Variants in FGF14 observed in about 807,000 individuals in gnomAD.
The protein encoded by FGF14 is fibroblast growth factor 14.
A neutral mutation model predicts 25.5 loss-of-function variants in FGF14; 5 were observed. That is an observed-to-expected ratio of 0.20 (90% CI 0.10 to 0.41). FGF14 has a LOEUF of 0.41. FGF14 is among the 10% of genes least tolerant of loss of function. The probability of loss-of-function intolerance (pLI) is 1.00; values close to 1 mark genes in which losing one functional copy is unlikely to be tolerated. For synonymous variants in FGF14, 138 were observed against 118.3 expected (o/e 1.17, Z -1.08); for missense variants, 222 against 320.1 (o/e 0.69, Z 2.34).
At chr13:102,332,159 GA>G (rs1048579828) in intron 1 of FGF14, among the ~76,000 whole-genome samples, 5 of 152,090 alleles carry the variant, frequency 3.3e-5, no homozygotes, top group African/African-American at 1.2e-4. Context: ...GTAATTTGTA[GA>G]GATAGGAAAA....
upstream of FGF14, among the ~76,000 whole-genome samples, chr13:101,917,595 T>C (rs1177747106): frequency 1.3e-5 from 2 of 151,664 alleles, no homozygotes; most frequent in Non-Finnish European, 2.9e-5. Flanking sequence ...GTTTCCGCCC[T>C]CCCTGCTAAT....
At chr13:102,274,265 T>G (rs1394599023) in intron 1 of FGF14, among the ~76,000 whole-genome samples, 5 of 152,210 alleles carry the variant, frequency 3.3e-5, no homozygotes, top group Non-Finnish European at 5.9e-5. Context: ...ATAACATCAC[T>G]GAATCCCACA....
At chr13:102,175,490 G>T (rs2048409172) in intron 1 of FGF14, among the ~76,000 whole-genome samples, 1 of 151,994 alleles carries the variant, frequency 6.6e-6, no homozygotes, top group Admixed American at 6.6e-5. Flanking sequence ...CTCCTGGAAT[G>T]AAACCTAGGA....
chr13:102,389,948 G>C (rs1326685712), intron 1 of FGF14, among the ~76,000 whole-genome samples: 2 of 152,198 alleles, frequency 1.3e-5, no homozygotes, highest in East Asian at 3.8e-4. Flanking sequence ...TAAACTGTGA[G>C]ACCCTTGGTA....
chr13:101,974,396 G>A (rs1310847725), intron 1 of FGF14, among the ~76,000 whole-genome samples: 1 of 152,144 alleles, frequency 6.6e-6, no homozygotes, highest in Non-Finnish European at 1.5e-5. Context: ...TATGCAGCAA[G>A]CCTCTCATAT....
At chr13:102,133,435 T>A (rs1372551465) in intron 1 of FGF14, among the ~76,000 whole-genome samples, 1 of 152,064 alleles carries the variant, frequency 6.6e-6, no homozygotes, top group African/African-American at 2.4e-5. Flanking sequence ...CTCTATAACA[T>A]GTGTGCATTT....
At position 102,386,133 on chromosome 13, in the gene FGF14, A is replaced by AT. The variant is rs771550582; in HGVS notation, c.208+15337dup. Among the ~76,000 whole-genome samples the AT allele has an allele frequency of 6.0e-3, 831 of 139,342 alleles. 4 individuals are homozygous for AT. Among genetic ancestry groups the AT allele is most frequent in the East Asian group, 0.011 (52 of 4,844 alleles). The allele number at this position is 139,342 out of a possible 152,430, so 91.4% of individuals were successfully genotyped here. On this transcript the variant is annotated intron_variant, in intron 1 of 4. Coordinates refer to the FGF14 transcript ENST00000376131. ...ATAGCTCCCAACAAAATATACAGTA[A>AT]TTTTTTTTTTTTTTTTTTTGAAACG...
At chr13:101,877,556 A>T (rs1470903324) in intron 1 of FGF14, among the ~76,000 whole-genome samples, 1 of 152,156 alleles carries the variant, frequency 6.6e-6, no homozygotes, top group East Asian at 1.9e-4. Flanking sequence ...TGCCCACTTA[A>T]CTGCTACCTA....
intron 1 of FGF14, among the ~76,000 whole-genome samples, chr13:102,132,029 T>G (rs755464693): frequency 1.2e-4 from 18 of 152,072 alleles, no homozygotes; most frequent in Admixed American, 2.6e-4. Context: ...TTTTGTTTTG[T>G]TTTGGTTTTT....
rs1448665304 is a variant in FGF14 at position 102,161,638 on chromosome 13, A to G, written c.208+239833T>C. 6.3e-3 allele frequency among the ~76,000 whole-genome samples: 73 copies of G among 11,532 alleles called. 3 individuals carry two copies. Among genetic ancestry groups the G allele is most frequent in the Middle Eastern group, 0.042 (1 of 24 alleles). The allele number at this position is 11,532 out of a possible 152,430, so 7.6% of individuals were successfully genotyped here. On this transcript the variant is annotated intron_variant, in intron 1 of 4. Transcript: ENST00000376131. Reference sequence around the variant, plus strand: ...GAAGAAGAAGAAGAAGAAGAAGAAGAAGAAGAAGAAGAAGAAGAAGAAGAA... The same window carrying G: ...GAAGAAGAAGAAGAAGAAGAAGAAGGAGAAGAAGAAGAAGAAGAAGAAGAA...
At chr13:101,789,901 ATAT>A (rs1248998964) in intron 3 of FGF14, among the ~76,000 whole-genome samples, 1 of 151,602 alleles carries the variant, frequency 6.6e-6, no homozygotes, top group African/African-American at 2.4e-5. Flanking sequence ...ATTATTATTC[ATAT>A]TATTATTAAT....
intron 1 of FGF14, among the ~76,000 whole-genome samples, chr13:101,974,477 T>C (rs2037803427): frequency 6.6e-6 from 1 of 152,200 alleles, no homozygotes; most frequent in African/African-American, 2.4e-5. Context: ...TAAACTAGCT[T>C]TAATGACTGA....
intron 3 of FGF14, among the ~76,000 whole-genome samples, chr13:101,837,353 T>G (rs2042976052): frequency 6.6e-6 from 1 of 152,116 alleles, no homozygotes; most frequent in East Asian, 1.9e-4. Context: ...AGCTCTGCTA[T>G]GCCAGTTATT....
intron 1 of FGF14, among the ~76,000 whole-genome samples, chr13:102,221,714 A>C (rs1292823120): frequency 1.3e-5 from 2 of 152,310 alleles, no homozygotes; most frequent in African/African-American, 4.8e-5. Context: ...GGTGAGATGA[A>C]AGTCATGTTG....
At chr13:102,008,651 G>GTT (rs113088632) in intron 1 of FGF14, among the ~76,000 whole-genome samples, 2,498 of 151,144 alleles carry the variant, frequency 0.017, 81 homozygotes, top group African/African-American at 0.057. Flanking sequence ...CTTTCCACGT[G>GTT]TTTTTTTTTA....
intron 3 of FGF14, among the ~76,000 whole-genome samples, chr13:101,837,942 G>A (rs998924856): frequency 6.6e-6 from 1 of 151,908 alleles, no homozygotes; most frequent in East Asian, 1.9e-4. Flanking sequence ...ATAAAAGCAG[G>A]CAGAAGAACG....
At chr13:102,337,880 A>G (rs1259002366) in intron 1 of FGF14, among the ~76,000 whole-genome samples, 1 of 152,138 alleles carries the variant, frequency 6.6e-6, no homozygotes, top group East Asian at 1.9e-4. Flanking sequence ...ATATGTGTAC[A>G]TTGCTTTTTT....
intron 1 of FGF14, among the ~76,000 whole-genome samples, chr13:101,994,891 T>C (rs545419520): frequency 6.6e-6 from 1 of 152,224 alleles, no homozygotes; most frequent in Admixed American, 6.5e-5. Flanking sequence ...CAAATTTTGT[T>C]ATGTAATTAG....
chr13:101,768,377 C>T (rs531514763), intron 3 of FGF14, among the ~76,000 whole-genome samples: 2 of 152,228 alleles, frequency 1.3e-5, no homozygotes, highest in African/African-American at 2.4e-5. Flanking sequence ...TCAATATTGT[C>T]AGCATATCAG....
Sources: gnomAD v4.1 joint callset for allele counts (sites outside exome capture counted in the v4.1 genomes callset) on GRCh38, gnomAD v4.1.1 for gene constraint, MANE v1.5 for transcripts, NCBI Gene and HGNC (gene_info 2026-07-23, HGNC 2026-07-21) for gene names.